CSMD1: variants seen among roughly 807,000 people sequenced by gnomAD.
CSMD1 encodes the protein CUB and Sushi multiple domains 1.
CSMD1 carries 213 observed loss-of-function variants against 417.5 expected under a neutral mutation model. The ratio of observed to expected loss-of-function variants is 0.51; its 90% CI spans 0.46 to 0.57. CSMD1 has a LOEUF of 0.57. CSMD1 is among the 20% of genes least tolerant of loss of function. CSMD1 has a pLI of 0.00. For missense variants in CSMD1, 6,923 were observed against 4,529.7 expected (o/e 1.53, Z -15.17); for synonymous variants, 2,862 against 1,736.8 (o/e 1.65, Z -16.11).
chr8:4,562,257 G>A (rs1315201957), intron 2 of CSMD1, among the ~76,000 whole-genome samples: 2 of 152,148 alleles, frequency 1.3e-5, no homozygotes, highest in Non-Finnish European at 2.9e-5. Flanking sequence ...GAAATACACA[G>A]GCATCATTAC....
At chr8:3,243,606 C>T (rs915133006) in intron 26 of CSMD1, among the ~76,000 whole-genome samples, 2 of 152,070 alleles carry the variant, frequency 1.3e-5, no homozygotes, top group East Asian at 1.9e-4. Context: ...ATTTTCACTT[C>T]TTTTGTGGTG....
At chr8:3,942,678 C>T (rs1163489269) in intron 5 of CSMD1, among the ~76,000 whole-genome samples, 19 of 152,140 alleles carry the variant, frequency 1.2e-4, no homozygotes, top group Admixed American at 1.0e-3. Context: ...TTTATAGGTC[C>T]TTTTCCCTAA....
intron 1 of CSMD1, among the ~76,000 whole-genome samples, chr8:4,735,726 C>T (rs767649937): frequency 1.3e-5 from 2 of 152,230 alleles, no homozygotes; most frequent in African/African-American, 4.8e-5. Context: ...CCTAATATCT[C>T]CCTAATAAGA....
At chr8:3,448,835 A>G (rs1815501752) in intron 12 of CSMD1, among the ~76,000 whole-genome samples, 1 of 152,202 alleles carries the variant, frequency 6.6e-6, no homozygotes, top group South Asian at 2.1e-4. Flanking sequence ...CTTCATGGAT[A>G]ATTGTCTCCA....
chr8:3,079,195 A>G (rs780510933), intron 49 of CSMD1, among the ~76,000 whole-genome samples: 1 of 152,160 alleles, frequency 6.6e-6, no homozygotes, highest in Non-Finnish European at 1.5e-5. Context: ...GATAAACCTC[A>G]TTTTACAATA....
rs559486087 is a variant in CSMD1, at chr8:4,359,512, A to G, written c.415+60441T>C. Among the ~76,000 whole-genome samples, 12 of 152,276 alleles carry G rather than the reference A, an allele frequency of 7.9e-5. No homozygotes were observed. In the South Asian group the frequency reaches 1.5e-3, roughly 18 times the overall value. On this transcript the variant is annotated intron_variant, in intron 3 of 69. Transcript: ENST00000635120. Reference sequence around the variant, plus strand: ...TCTTTGTCTCTTATAGACTTCCCCAACCTTGCAAATAGAGATGTCTCCTTC... The same window carrying G: ...TCTTTGTCTCTTATAGACTTCCCCAGCCTTGCAAATAGAGATGTCTCCTTC...
At chr8:3,798,839 T>C (rs1446590495) in intron 5 of CSMD1, among the ~76,000 whole-genome samples, 4 of 152,108 alleles carry the variant, frequency 2.6e-5, no homozygotes, top group Non-Finnish European at 5.9e-5. Context: ...TAAAATGTTG[T>C]ATTTTCCTAC....
chr8:3,864,946 A>G (rs757930279), intron 5 of CSMD1, among the ~76,000 whole-genome samples: 16 of 152,330 alleles, frequency 1.1e-4, no homozygotes, highest in Middle Eastern at 3.4e-3. Flanking sequence ...TTCTGGGTGA[A>G]CGAGCAGCTT....
intron 1 of CSMD1, among the ~76,000 whole-genome samples, chr8:4,855,173 G>A (rs952717947): frequency 1.3e-5 from 2 of 150,358 alleles, no homozygotes; most frequent in Non-Finnish European, 2.9e-5. Context: ...TCACACGGCA[G>A]GGTACTCCAA....
At chr8:4,796,232 A>C (rs1357515606) in intron 1 of CSMD1, among the ~76,000 whole-genome samples, 2 of 152,004 alleles carry the variant, frequency 1.3e-5, no homozygotes, top group African/African-American at 2.4e-5. Flanking sequence ...AAAAGCCTGC[A>C]TGAAAATGCC....
chr8:3,724,386 G>A (rs1056107880), intron 6 of CSMD1, among the ~76,000 whole-genome samples: 2 of 152,018 alleles, frequency 1.3e-5, no homozygotes, highest in African/African-American at 4.8e-5. Flanking sequence ...AAATATATAT[G>A]TTAATTTCTA....
intron 5 of CSMD1, among the ~76,000 whole-genome samples, chr8:3,757,688 C>G (rs1797735709): frequency 6.6e-6 from 1 of 151,894 alleles, no homozygotes; most frequent in Non-Finnish European, 1.5e-5. Context: ...CATGGTGAAA[C>G]CCTGTCTCTA....
chr8:4,206,615 T>G (rs1417097072), intron 3 of CSMD1, among the ~76,000 whole-genome samples: 1 of 152,214 alleles, frequency 6.6e-6, no homozygotes, highest in South Asian at 2.1e-4. Context: ...TTCCAAGCTT[T>G]GCTACTGTGA....
At chr8:3,685,979 T>C (rs936899655) in intron 7 of CSMD1, among the ~76,000 whole-genome samples, 1 of 152,168 alleles carries the variant, frequency 6.6e-6, no homozygotes, top group Admixed American at 6.5e-5. Context: ...CCCATTTTGC[T>C]ACCAAATAAA....
At chr8:4,644,547 C>T (rs939426991) in intron 1 of CSMD1, among the ~76,000 whole-genome samples, 1 of 152,168 alleles carries the variant, frequency 6.6e-6, no homozygotes, top group Non-Finnish European at 1.5e-5. Flanking sequence ...GCTGGGATTA[C>T]AGGCACGCGC....
intron 1 of CSMD1, among the ~76,000 whole-genome samples, chr8:4,827,385 C>T (rs912153009): frequency 6.6e-5 from 10 of 152,116 alleles, no homozygotes; most frequent in African/African-American, 2.4e-4. Flanking sequence ...CTCGAGTTAC[C>T]TTCCTCGACT....
chr8:3,426,150 A>G (rs1813824745), intron 12 of CSMD1, among the ~76,000 whole-genome samples: 1 of 152,200 alleles, frequency 6.6e-6, no homozygotes, highest in African/African-American at 2.4e-5. Context: ...TATCCCTAAT[A>G]CTTTCCTTTC....
intron 23 of CSMD1, among the ~76,000 whole-genome samples, chr8:3,338,961 A>T (rs1807460680): frequency 6.7e-6 from 1 of 149,458 alleles, no homozygotes; most frequent in Non-Finnish European, 1.5e-5. Context: ...CATTACGTAT[A>T]TCTCCCGATG....
At position 3,511,446 on chromosome 8, in the gene CSMD1, GAGA is replaced by G. The variant is rs1309456080; in HGVS notation, c.1345-17723_1345-17721del. Among the ~76,000 whole-genome samples, 4 of 151,784 alleles carry G rather than the reference GAGA, an allele frequency of 2.6e-5. No individual in the cohort carries two copies. In the East Asian group the frequency reaches 5.8e-4, roughly 22 times the overall value. ...GATCTGTACCTATCCTCCAAAAGAAGAGAAGGTTTACTCAAAATCTGTGGCCAG... is the reference window on the plus strand; with the variant it reads ...GATCTGTACCTATCCTCCAAAAGAAGAGGTTTACTCAAAATCTGTGGCCAG... On this transcript the variant is annotated intron_variant, in intron 10 of 69. Transcript: ENST00000635120.
Sources: allele counts gnomAD v4.1 joint callset (sites outside exome capture counted in the v4.1 genomes callset), GRCh38; gene constraint gnomAD v4.1.1; transcripts MANE v1.5; gene names NCBI Gene and HGNC (gene_info 2026-07-23, HGNC 2026-07-21).